AGPAT3: variants seen among roughly 807,000 people sequenced by gnomAD.
The protein encoded by AGPAT3 is 1-acylglycerol-3-phosphate O-acyltransferase 3, also known as 1-acyl-sn-glycerol-3-phosphate acyltransferase gamma.
In AGPAT3, 5 loss-of-function variants were observed where a neutral mutation model predicts 47.3. That is an observed-to-expected ratio of 0.11 (90% CI 0.06 to 0.22). The LOEUF (loss-of-function observed/expected upper bound fraction) is 0.22, where lower values mean the gene tolerates loss of function less well. AGPAT3 is among the 10% of genes least tolerant of loss of function. The pLI is 1.00. For missense variants in AGPAT3, 315 were observed against 493.0 expected, an observed-to-expected ratio of 0.64 and a Z score of 3.42; for synonymous variants, 212 against 208.3, an observed-to-expected ratio of 1.02 and a Z score of -0.15.
At chr21:43,951,970 C>T (rs1324839605) in intron 2 of AGPAT3, among the ~76,000 whole-genome samples, 3 of 151,928 alleles carry the variant, frequency 2.0e-5, no homozygotes, top group Non-Finnish European at 2.9e-5. Context: ...TCTGCCTGGC[C>T]GGTTTTGGAG....
chr21:43,895,485 C>G (rs146991617), intron 1 of AGPAT3, among the ~76,000 whole-genome samples: 1 of 149,238 alleles, frequency 6.7e-6, no homozygotes, highest in South Asian at 2.1e-4. Flanking sequence ...GTTTAGGCTG[C>G]GTCAGCCTAT....
chr21:43,954,916 C>G lies in AGPAT3; in HGVS notation c.-48-4718C>G, dbSNP rs2088370704. 1.3e-6 allele frequency: 1 copy of G among 741,278 alleles called. No individual in the cohort carries two copies. The highest frequency in any genetic ancestry group is 1.8e-6 in the Non-Finnish European group (1 of 566,272). The allele number at this position is 741,278 out of a possible 1,614,324, so 45.9% of individuals were successfully genotyped here. A position where few individuals can be genotyped will look rare whatever the true frequency, so the allele number is the denominator to read the frequency against. On this transcript the variant is annotated intron_variant, in intron 2 of 9. Transcript: ENST00000291572. This position sits in a 1 kb window ranked among gnomAD's most constrained non-coding sequence, Gnocchi z 4.0. ...TCCGGGGAGTCTCTGCGTAGACTTT[C>G]TAGCCCAGAGGTTCAGGTGATGGAC...
rs760438262 is a variant in AGPAT3, at chr21:43,970,737, G to A, written c.595G>A (p.Val199Ile). The A allele has an allele frequency of 1.2e-6, 2 of 1,612,778 alleles. No homozygotes were observed. Among genetic ancestry groups the A allele is most frequent in the East Asian group, 2.2e-5 (1 of 44,808 alleles). Residue 199 changes from valine (V) to isoleucine (I), a missense_variant, in exon 6 of 10, where the codon GTC becomes ATC. Coordinates refer to ENST00000291572, the MANE Select transcript of AGPAT3 (RefSeq NM_020132.5). The surrounding 1 kb of genome is among the most constrained non-coding windows in gnomAD (Gnocchi z 5.8). ...MEVAAAKGLPVLKYHLLPRTK... is the reference protein window; with the variant it reads ...MEVAAAKGLPILKYHLLPRTK... ...GGTGGCGGCTGCTAAGGGGCTTCCTGTCCTCAAGTACCACCTGCTGCCGCG... is the reference window on the plus strand; with the variant it reads ...GGTGGCGGCTGCTAAGGGGCTTCCTATCCTCAAGTACCACCTGCTGCCGCG...
At chr21:43,928,269 C>T (rs2087123148) in intron 2 of AGPAT3, among the ~76,000 whole-genome samples, 1 of 152,238 alleles carries the variant, frequency 6.6e-6, no homozygotes, top group African/African-American at 2.4e-5. Flanking sequence ...TGTACCCCTG[C>T]CCTGAGTTCG....
intron 2 of AGPAT3, among the ~76,000 whole-genome samples, chr21:43,956,192 C>CT (rs2088455880): frequency 6.6e-6 from 1 of 152,210 alleles, no homozygotes; most frequent in Non-Finnish European, 1.5e-5. Flanking sequence ...TATATCGTCT[C>CT]TAGCTCAAGA....
chr21:43,951,890 G>A (rs1476628724), intron 2 of AGPAT3, among the ~76,000 whole-genome samples: 2 of 152,182 alleles, frequency 1.3e-5, no homozygotes, highest in South Asian at 2.1e-4. Context: ...ATAAAAAGGC[G>A]TCTTCGGAAA....
chr21:43,918,420 G>A (rs924940305), intron 2 of AGPAT3, among the ~76,000 whole-genome samples: 2 of 152,044 alleles, frequency 1.3e-5, no homozygotes, highest in African/African-American at 4.8e-5. Context: ...AAGGGAAAAG[G>A]GTATAATTGC....
At position 43,933,646 on chromosome 21, in the gene AGPAT3, C is replaced by T. The variant is rs1007035985; in HGVS notation, c.-48-25988C>T. 6.6e-6 allele frequency among the ~76,000 whole-genome samples: 1 copy of T among 151,908 alleles called. No homozygotes were observed. Among genetic ancestry groups the T allele is most frequent in the South Asian group, 2.1e-4 (1 of 4,808 alleles). ...AGGCACAGCTTGGAAGCGGTTGGCA[C>T]TGGGGTTAGGCTCCAGTAGTCTCGG... is the stretch of plus-strand genomic sequence containing the variant. On this transcript the variant is annotated intron_variant, in intron 2 of 9. Coordinates refer to ENST00000291572, the MANE Select transcript of AGPAT3 (RefSeq NM_020132.5). This position sits in a 1 kb window ranked among gnomAD's most constrained non-coding sequence, Gnocchi z 6.0.
At chr21:43,892,908 A>G (rs1461335439) in intron 1 of AGPAT3, among the ~76,000 whole-genome samples, 1 of 152,172 alleles carries the variant, frequency 6.6e-6, no homozygotes, top group Non-Finnish European at 1.5e-5. Flanking sequence ...CAAGCTGGGC[A>G]ACGTGACAAA....
At chr21:43,900,794 C>T (rs995111916) in intron 1 of AGPAT3, among the ~76,000 whole-genome samples, 4 of 152,056 alleles carry the variant, frequency 2.6e-5, no homozygotes, top group African/African-American at 4.8e-5. Flanking sequence ...TACAAAGGTC[C>T]GCTCAGGACT....
intron 2 of AGPAT3, among the ~76,000 whole-genome samples, chr21:43,957,893 C>T (rs2088569997): frequency 6.6e-6 from 1 of 152,202 alleles, no homozygotes; most frequent in Non-Finnish European, 1.5e-5. Context: ...AGGGGGGCCA[C>T]CGGCTTCCCT....
Position 43,970,891 on chromosome 21 carries a change from T to C in AGPAT3, c.664+85T>C. On this transcript the variant is annotated intron_variant, in intron 6 of 9. Transcript: ENST00000291572. This position sits in a 1 kb window ranked among gnomAD's most constrained non-coding sequence, Gnocchi z 5.8. ...TTTAAAAAAAAAAAAAATGAGTGCA[T>C]TCCATGTGAAACACAGAAGAACAGA... 7.7e-7 allele frequency: 1 copy of C among 1,300,744 alleles called. No individual in the cohort carries two copies. The highest frequency in any genetic ancestry group is 2.7e-5 in the East Asian group (1 of 36,908). The allele number at this position is 1,300,744 out of a possible 1,614,324, so 80.6% of individuals were successfully genotyped here. A position where few individuals can be genotyped will look rare whatever the true frequency, so the allele number is the denominator to read the frequency against.
At chr21:43,890,691 G>C (rs1477285304) in intron 1 of AGPAT3, among the ~76,000 whole-genome samples, 1 of 148,854 alleles carries the variant, frequency 6.7e-6, no homozygotes, top group Non-Finnish European at 1.5e-5. Context: ...AGGATTACAG[G>C]TGTGAGCCAC....
At chr21:43,950,046 C>T (rs971529326) in intron 2 of AGPAT3, among the ~76,000 whole-genome samples, 1 of 152,222 alleles carries the variant, frequency 6.6e-6, no homozygotes, top group African/African-American at 2.4e-5. Flanking sequence ...TTGGAAGCCT[C>T]GTGTTGAAGG....
At chr21:43,924,267 C>T (rs1423595074) in intron 2 of AGPAT3, among the ~76,000 whole-genome samples, 1 of 151,910 alleles carries the variant, frequency 6.6e-6, no homozygotes, top group Non-Finnish European at 1.5e-5. Flanking sequence ...CCTCGTGACC[C>T]GCCCGCCTCG....
chr21:43,892,467 A>T (rs534814686), intron 1 of AGPAT3, among the ~76,000 whole-genome samples: 1 of 152,320 alleles, frequency 6.6e-6, no homozygotes, highest in Non-Finnish European at 1.5e-5. Context: ...ATTTTTTGAA[A>T]GGAATCCTTT....
In AGPAT3 at chr21:43,885,078, C is replaced by G. The variant is rs114185892; in HGVS notation, c.-111-18879C>G. 4.1e-3 allele frequency among the ~76,000 whole-genome samples: 627 copies of G among 152,354 alleles called. 8 individuals are homozygous for G. Among genetic ancestry groups the G allele is most frequent in the African/African-American group, 0.014 (579 of 41,576 alleles). On this transcript the variant is annotated intron_variant, in intron 1 of 9. Coordinates refer to ENST00000291572, the MANE Select transcript of AGPAT3 (RefSeq NM_020132.5). ...AGTGACGTGCGGTGCTGAGCAAGGC[C>G]GGGAACCTGGCCCCTGACCTGTGTA...
Position 43,985,429 on chromosome 21 carries a change from A to C in AGPAT3, c.*3037A>C. 3.0e-6 allele frequency: 1 copy of C among 332,322 alleles called. No homozygotes were observed. The highest frequency in any genetic ancestry group is 5.9e-6 in the Non-Finnish European group (1 of 170,674). The allele number at this position is 332,322 out of a possible 1,614,324, so 20.6% of individuals were successfully genotyped here. Reference sequence around the variant, plus strand: ...AAAAAAAAAGCACGTCCTGTCGATGAATTTTGAGTCTCTCTGCCTTGCCTG... The same window carrying C: ...AAAAAAAAAGCACGTCCTGTCGATGCATTTTGAGTCTCTCTGCCTTGCCTG... On this transcript the variant is annotated 3_prime_UTR_variant, in exon 10 of 10. Coordinates refer to ENST00000291572, the MANE Select transcript of AGPAT3 (RefSeq NM_020132.5).
rs1453964531 is a variant in AGPAT3, at chr21:43,978,234, C to T, written c.843+113C>T. 6 of 704,406 alleles carry T rather than the reference C, an allele frequency of 8.5e-6. No individual in the cohort carries two copies. In the East Asian group the frequency reaches 1.4e-4, roughly 16 times the overall value. 43.6% of individuals were successfully genotyped at this position (704,406 alleles called of 1,614,324 possible). A position where few individuals can be genotyped will look rare whatever the true frequency, so the allele number is the denominator to read the frequency against. On this transcript the variant is annotated intron_variant, in intron 8 of 9. Coordinates refer to ENST00000291572, the MANE Select transcript of AGPAT3 (RefSeq NM_020132.5). ...AACTCCGTGGGAGACAGGAGTGCCA[C>T]CCAGGTCCTAAATACTCCTGATCCT...
Sources: allele counts gnomAD v4.1 joint callset (sites outside exome capture counted in the v4.1 genomes callset), GRCh38; gene constraint gnomAD v4.1.1; non-coding constraint Gnocchi (gnomAD v3.1); transcripts MANE v1.5; gene names NCBI Gene and HGNC (gene_info 2026-07-23, HGNC 2026-07-21).